The following PCDH9 variants were observed in gnomAD, a reference collection of about 807,000 sequenced individuals.
PCDH9 encodes protocadherin-9.
A neutral mutation model predicts 70.6 loss-of-function variants in PCDH9; 24 were observed. That is an observed-to-expected ratio of 0.34 (90% CI 0.25 to 0.48). PCDH9 has a LOEUF of 0.48. Among genes scored for constraint, PCDH9 ranks in the 20% least tolerant of loss-of-function variants. PCDH9 has a pLI of 0.99. For missense variants in PCDH9, 1,281 were observed against 1,503.6 expected, an observed-to-expected ratio of 0.85 and a Z score of 2.45; for synonymous variants, 562 against 558.5, an observed-to-expected ratio of 1.01 and a Z score of -0.09.
chr13:66,311,951 T>A (rs563029511), intron 4 of PCDH9, among the ~76,000 whole-genome samples: 91 of 152,292 alleles, frequency 6.0e-4, no homozygotes, highest in Middle Eastern at 3.4e-3. Context: ...TGGGGAGAAA[T>A]GCTTTCCATT....
At chr13:67,142,844 C>CAAAA (rs34886805) in intron 2 of PCDH9, among the ~76,000 whole-genome samples, 63 of 134,282 alleles carry the variant, frequency 4.7e-4, no homozygotes, top group African/African-American at 1.7e-3. Context: ...ACTAAAAATA[C>CAAAA]AAAAAAAAAA....
chr13:66,678,031 C>T (rs900806928), intron 3 of PCDH9, among the ~76,000 whole-genome samples: 1 of 152,028 alleles, frequency 6.6e-6, no homozygotes, highest in African/African-American at 2.4e-5. Flanking sequence ...CCTTTTTAAA[C>T]TGTTATTCAA....
chr13:66,363,817 G>A (rs754123648), intron 4 of PCDH9, among the ~76,000 whole-genome samples: 3 of 150,848 alleles, frequency 2.0e-5, no homozygotes, highest in Non-Finnish European at 4.4e-5. Flanking sequence ...CACACATTGA[G>A]ACTTGGGATA....
chr13:66,857,793 A>G (rs1252680157), intron 3 of PCDH9, among the ~76,000 whole-genome samples: 1 of 152,086 alleles, frequency 6.6e-6, no homozygotes, highest in East Asian at 1.9e-4. Context: ...ATTTTGTCCC[A>G]TAATTATTTC....
intron 3 of PCDH9, among the ~76,000 whole-genome samples, chr13:66,835,081 G>A (rs2080993181): frequency 6.6e-6 from 1 of 152,172 alleles, no homozygotes; most frequent in Non-Finnish European, 1.5e-5. Flanking sequence ...AGAATCCAAG[G>A]ACAAGGCCTG....
intron 3 of PCDH9, among the ~76,000 whole-genome samples, chr13:66,678,400 C>G (rs1566500126): frequency 6.6e-6 from 1 of 151,986 alleles, no homozygotes; most frequent in Non-Finnish European, 1.5e-5. Context: ...CTTCAATATT[C>G]TAAGACTGGA....
At chr13:66,616,765 C>G (rs2077361416) in intron 4 of PCDH9, among the ~76,000 whole-genome samples, 1 of 152,092 alleles carries the variant, frequency 6.6e-6, no homozygotes, top group Non-Finnish European at 1.5e-5. Flanking sequence ...CTATAGCCAC[C>G]AATTATCTGA....
chr13:66,377,499 G>GA (rs143381232), intron 4 of PCDH9, among the ~76,000 whole-genome samples: 2,368 of 150,600 alleles, frequency 0.016, 53 homozygotes, highest in African/African-American at 0.055. Context: ...ATTCTTAAAA[G>GA]AAAAAAAAAG....
chr13:66,478,587 G>A (rs936100071), intron 4 of PCDH9, among the ~76,000 whole-genome samples: 2 of 152,190 alleles, frequency 1.3e-5, no homozygotes, highest in African/African-American at 4.8e-5. Context: ...GCCTATTGCT[G>A]ATATGGAGAA....
intron 4 of PCDH9, among the ~76,000 whole-genome samples, chr13:66,353,098 A>G (rs541723779): frequency 4.3e-4 from 65 of 152,334 alleles, no homozygotes; most frequent in Non-Finnish European, 8.8e-4. Context: ...TATTGATTCA[A>G]GATTCAATGA....
chr13:67,058,625 G>C (rs2085470163), intron 2 of PCDH9, among the ~76,000 whole-genome samples: 1 of 152,084 alleles, frequency 6.6e-6, no homozygotes, highest in Admixed American at 6.6e-5. Flanking sequence ...TTTGAAGATG[G>C]TGGGTAATCT....
At chr13:66,738,036 G>T (rs1444920825) in intron 3 of PCDH9, among the ~76,000 whole-genome samples, 1 of 152,172 alleles carries the variant, frequency 6.6e-6, no homozygotes, top group Non-Finnish European at 1.5e-5. Context: ...CTCCACCTCT[G>T]GGGGCAGGGC....
In PCDH9 at chr13:66,963,869, T is replaced by C. The variant is rs866982150; in HGVS notation, c.3037-60264A>G. Among the ~76,000 whole-genome samples, 6 of 152,298 alleles carry C rather than the reference T, an allele frequency of 3.9e-5. No individual in the cohort carries two copies. The South Asian group carries it at 1.2e-3, about 32-fold the overall frequency. ...TTGTGAATAGTAACAATTATGATAA[T>C]GCAAACTTTTTATATTTTTTTGTGG... On this transcript the variant is annotated intron_variant, in intron 2 of 4. Coordinates refer to ENST00000377865, the MANE Select transcript of PCDH9 (RefSeq NM_203487.3).
At chr13:66,673,021 G>A (rs2078198297) in intron 3 of PCDH9, among the ~76,000 whole-genome samples, 1 of 152,120 alleles carries the variant, frequency 6.6e-6, no homozygotes, top group African/African-American at 2.4e-5. Flanking sequence ...AGACTTTGGG[G>A]GGCTGTTGGG....
intron 4 of PCDH9, among the ~76,000 whole-genome samples, chr13:66,501,647 C>T (rs1959177542): frequency 6.6e-6 from 1 of 151,536 alleles, no homozygotes; most frequent in Admixed American, 6.6e-5. Flanking sequence ...GTAATTTTAC[C>T]AGTAAATTCT....
chr13:66,753,947 AG>A (rs2079499964), intron 3 of PCDH9, among the ~76,000 whole-genome samples: 2 of 152,244 alleles, frequency 1.3e-5, no homozygotes, highest in African/African-American at 4.8e-5. Context: ...TCTGTTAGTT[AG>A]AAATGCATTG....
chr13:66,816,837 C>T (rs2139372051), intron 3 of PCDH9, among the ~76,000 whole-genome samples: 1 of 147,082 alleles, frequency 6.8e-6, no homozygotes, highest in East Asian at 2.0e-4. Context: ...TTAAAAGACA[C>T]AAGTTTTTGT....
At chr13:66,472,047 C>T (rs1958628782) in intron 4 of PCDH9, among the ~76,000 whole-genome samples, 2 of 151,636 alleles carry the variant, frequency 1.3e-5, no homozygotes, top group Non-Finnish European at 2.9e-5. Context: ...CCCGTCTCTA[C>T]TAAAAATACA....
intron 3 of PCDH9, among the ~76,000 whole-genome samples, chr13:66,775,254 C>T (rs577688815): frequency 4.5e-4 from 69 of 152,294 alleles, no homozygotes; most frequent in African/African-American, 1.6e-3. Context: ...ATTTTCCATA[C>T]GCCTAATGTT....
Sources: gnomAD v4.1 joint callset for allele counts (sites outside exome capture counted in the v4.1 genomes callset) on GRCh38, gnomAD v4.1.1 for gene constraint, MANE v1.5 for transcripts, NCBI Gene and HGNC (gene_info 2026-07-23, HGNC 2026-07-21) for gene names.